KCNQ1: variants seen among roughly 807,000 people sequenced by gnomAD.
KCNQ1 encodes potassium voltage-gated channel subfamily Q member 1.
KCNQ1 carries 49 observed loss-of-function variants against 72.4 expected under a neutral mutation model. The ratio of observed to expected loss-of-function variants is 0.68; its 90% CI spans 0.54 to 0.86. KCNQ1 has a LOEUF of 0.86. KCNQ1 is among the 40% of genes least tolerant of loss of function. KCNQ1 has a pLI of 0.00. For missense variants in KCNQ1, 790 were observed against 945.1 expected (o/e 0.84, Z 2.15); for synonymous variants, 450 against 412.6 (o/e 1.09, Z -1.10).
chr11:2,580,658 C>A (rs1484641126), intron 6 of KCNQ1, among the ~76,000 whole-genome samples: 2 of 152,212 alleles, frequency 1.3e-5, no homozygotes, highest in African/African-American at 4.8e-5. Context: ...CCCAGCAGAT[C>A]ATCAGCACAC....
At position 2,682,479 on chromosome 11, in the gene KCNQ1, T is replaced by G. The variant is rs1313600985; in HGVS notation, c.1514+20398T>G. 7.9e-6 allele frequency: 3 copies of G among 377,998 alleles called. No individual in the cohort carries two copies. The highest frequency in any genetic ancestry group is 4.6e-5 in the Admixed American group (1 of 21,910). The allele number at this position is 377,998 out of a possible 1,614,324, so 23.4% of individuals were successfully genotyped here. A position where few individuals can be genotyped will look rare whatever the true frequency, so the allele number is the denominator to read the frequency against. ...GGACCCTCAGTGAATGTTTGACGAG[T>G]GAGTGAGTGAGTGAGTGAGTGAGTG... On this transcript the variant is annotated intron_variant, in intron 11 of 15. Coordinates refer to ENST00000155840, the MANE Select transcript of KCNQ1 (RefSeq NM_000218.3). The surrounding 1 kb of genome is among the most constrained non-coding windows in gnomAD (Gnocchi z 5.8).
Position 2,626,511 on chromosome 11 carries a change from T to G in KCNQ1, c.1394-35450T>G, listed in dbSNP as rs2133810572. ...GTCAATACCACATAGTTTTGATTACTGTAGCTTCGTAATAAGTTGGGGTTT... is the reference window on the plus strand; with the variant it reads ...GTCAATACCACATAGTTTTGATTACGGTAGCTTCGTAATAAGTTGGGGTTT... On this transcript the variant is annotated intron_variant, in intron 10 of 15. Coordinates refer to ENST00000155840, the MANE Select transcript of KCNQ1 (RefSeq NM_000218.3). The surrounding 1 kb of genome is among the most constrained non-coding windows in gnomAD (Gnocchi z 4.0). The G allele has an allele frequency of 7.5e-6, 3 of 398,656 alleles. No individual in the cohort carries two copies. In the East Asian group the frequency reaches 1.1e-4, roughly 14 times the overall value. 24.7% of individuals were successfully genotyped at this position (398,656 alleles called of 1,614,324 possible).
At position 2,668,380 on chromosome 11, in the gene KCNQ1, C is replaced by T; in HGVS notation, c.1514+6299C>T. On this transcript the variant is annotated intron_variant, in intron 11 of 15. Coordinates refer to ENST00000155840, the MANE Select transcript of KCNQ1 (RefSeq NM_000218.3). This position sits in a 1 kb window ranked among gnomAD's most constrained non-coding sequence, Gnocchi z 4.3. ...ATGTTTACTCTTAGTGAATACTACCCAGCAGTCTACCAAAGGAGTCATTCC... is the reference window on the plus strand; with the variant it reads ...ATGTTTACTCTTAGTGAATACTACCTAGCAGTCTACCAAAGGAGTCATTCC... The T allele has an allele frequency of 2.5e-6, 1 of 398,584 alleles. No individual in the cohort carries two copies. Among genetic ancestry groups the T allele is most frequent in the African/African-American group, 2.1e-5 (1 of 48,730 alleles). 24.7% of individuals were successfully genotyped at this position (398,584 alleles called of 1,614,324 possible).
At chr11:2,665,258 A>T (rs1277043196) in intron 11 of KCNQ1, 1 of 398,366 alleles carries the variant, frequency 2.5e-6, no homozygotes, top group Non-Finnish European at 4.4e-6. Context: ...GCCAGCCTCA[A>T]ACTCCCTGAG....
In KCNQ1 at chr11:2,544,246, GTGTA is replaced by G. The variant is rs973511096; in HGVS notation, c.477+16230_477+16233del. ...ATCTCATATATATATATGTGTGTGT[GTGTA>G]TATATATATGTGTGTGTGTGTATAT... is the stretch of plus-strand genomic sequence containing the variant. On this transcript the variant is annotated intron_variant, in intron 2 of 15. Transcript: ENST00000155840. This position sits in a 1 kb window ranked among gnomAD's most constrained non-coding sequence, Gnocchi z 4.4. Among the ~76,000 whole-genome samples, 5 of 145,016 alleles carry G rather than the reference GTGTA, an allele frequency of 3.4e-5. No homozygotes were observed. Among genetic ancestry groups the G allele is most frequent in the African/African-American group, 5.4e-5 (2 of 37,116 alleles).
Position 2,516,247 on chromosome 11 carries a change from C to G in KCNQ1, c.387-11681C>G, listed in dbSNP as rs1847287266. 6.6e-6 allele frequency among the ~76,000 whole-genome samples: 1 copy of G among 152,104 alleles called. No homozygotes were observed. ...CAGGTCCCTTAACCTCTCTGAGCTT[C>G]CTCCTCTCCTGTGAACAAAGGATGG... On this transcript the variant is annotated intron_variant, in intron 1 of 15. Transcript: ENST00000155840. This position sits in a 1 kb window ranked among gnomAD's most constrained non-coding sequence, Gnocchi z 7.0.
intron 11 of KCNQ1, among the ~76,000 whole-genome samples, chr11:2,765,869 C>T (rs973980091): frequency 1.3e-5 from 2 of 152,142 alleles, no homozygotes; most frequent in African/African-American, 4.8e-5. Flanking sequence ...TGTTTTTAAT[C>T]ATGACAATCT....
Position 2,808,017 on chromosome 11 carries a change from T to C in KCNQ1, c.1794+29980T>C, listed in dbSNP as rs1319417287. On this transcript the variant is annotated intron_variant, in intron 15 of 15. Coordinates refer to ENST00000155840, the MANE Select transcript of KCNQ1 (RefSeq NM_000218.3). The surrounding 1 kb of genome is among the most constrained non-coding windows in gnomAD (Gnocchi z 6.0). ...GTCTCTCTGGGGGCAGGGCCGGTGG[T>C]ACCTGGAGCCCTCCCCACTGAGCAC... Among the ~76,000 whole-genome samples, 1 of 152,152 alleles carries C rather than the reference T, an allele frequency of 6.6e-6. No individual in the cohort carries two copies. The highest frequency in any genetic ancestry group is 1.5e-5 in the Non-Finnish European group (1 of 68,010).
chr11:2,591,618 T>G (rs1369210630), intron 10 of KCNQ1, among the ~76,000 whole-genome samples: 1 of 152,228 alleles, frequency 6.6e-6, no homozygotes, highest in Non-Finnish European at 1.5e-5. Context: ...CATCGCTTGC[T>G]GCTTGCTGAA....
In KCNQ1 at chr11:2,484,754, G is replaced by A. The variant is rs1299081035; in HGVS notation, c.386+39270G>A. Among the ~76,000 whole-genome samples, 1 of 152,152 alleles carries A rather than the reference G, an allele frequency of 6.6e-6. No individual in the cohort carries two copies. The highest frequency in any genetic ancestry group is 1.5e-5 in the Non-Finnish European group (1 of 68,038). Reference sequence around the variant, plus strand: ...CCTGCTGCTCTGCGCCCACTCGGCCGACGGAGCTGGGGAATATGTGTATGG... The same window carrying A: ...CCTGCTGCTCTGCGCCCACTCGGCCAACGGAGCTGGGGAATATGTGTATGG... On this transcript the variant is annotated intron_variant, in intron 1 of 15. Coordinates refer to ENST00000155840, the MANE Select transcript of KCNQ1 (RefSeq NM_000218.3). The surrounding 1 kb of genome is among the most constrained non-coding windows in gnomAD (Gnocchi z 5.2).
In KCNQ1 at chr11:2,621,613, G is replaced by T. The variant is rs1011610544; in HGVS notation, c.1393+32759G>T. Reference sequence around the variant, plus strand: ...TCTATTCCTGATTTAATCTTAGCAGGTTGGTTTTTTTCTAGGAATTTGTCC... The same window carrying T: ...TCTATTCCTGATTTAATCTTAGCAGTTTGGTTTTTTTCTAGGAATTTGTCC... On this transcript the variant is annotated intron_variant, in intron 10 of 15. Transcript: ENST00000155840. This position sits in a 1 kb window ranked among gnomAD's most constrained non-coding sequence, Gnocchi z 5.7. 6.0e-5 allele frequency: 24 copies of T among 398,238 alleles called. No individual in the cohort carries two copies. The highest frequency in any genetic ancestry group is 1.0e-4 in the Non-Finnish European group (23 of 226,012). The allele number at this position is 398,238 out of a possible 1,614,324, so 24.7% of individuals were successfully genotyped here. A position where few individuals can be genotyped will look rare whatever the true frequency, so the allele number is the denominator to read the frequency against.
At chr11:2,610,047 T>A (rs1848953626) in intron 10 of KCNQ1, 1 of 397,808 alleles carries the variant, frequency 2.5e-6, no homozygotes, top group Non-Finnish European at 4.4e-6. Flanking sequence ...TATCCACAGT[T>A]TTACTTTTGG....
rs1847285207 is a variant in KCNQ1 at position 2,516,130 on chromosome 11, G to C, written c.387-11798G>C. ...GCTTACTTCTGGGTTGTAGTTTTCGGGGTGCTTCGAGGTGCTGTGGGGACC... is the reference window on the plus strand; with the variant it reads ...GCTTACTTCTGGGTTGTAGTTTTCGCGGTGCTTCGAGGTGCTGTGGGGACC... On this transcript the variant is annotated intron_variant, in intron 1 of 15. Coordinates refer to ENST00000155840, the MANE Select transcript of KCNQ1 (RefSeq NM_000218.3). This position sits in a 1 kb window ranked among gnomAD's most constrained non-coding sequence, Gnocchi z 7.0. 6.6e-6 allele frequency among the ~76,000 whole-genome samples: 1 copy of C among 152,068 alleles called. No individual in the cohort carries two copies.
At chr11:2,726,704 T>C (rs1422325321) in intron 11 of KCNQ1, among the ~76,000 whole-genome samples, 2 of 152,182 alleles carry the variant, frequency 1.3e-5, no homozygotes, top group African/African-American at 4.8e-5. Flanking sequence ...TGCATTGGCC[T>C]GAATAGGAGC....
rs377038154 is a variant in KCNQ1, at chr11:2,836,081, G to A, written c.1795-11686G>A. ...TGGGGTGCCCCGTGGCGTGGCGGGG[G>A]TGGGGGTCAGGACCTTTAGCAGAAG... is the stretch of plus-strand genomic sequence containing the variant. On this transcript the variant is annotated intron_variant, in intron 15 of 15. Coordinates refer to ENST00000155840, the MANE Select transcript of KCNQ1 (RefSeq NM_000218.3). Among the ~76,000 whole-genome samples the A allele has an allele frequency of 5.6e-4, 86 of 152,234 alleles. 1 individual carries two copies. In the East Asian group the frequency reaches 0.015, roughly 27 times the overall value.
chr11:2,662,866 T>C (rs1849993612), intron 11 of KCNQ1: 1 of 398,596 alleles, frequency 2.5e-6, no homozygotes, highest in African/African-American at 2.1e-5. Context: ...TCTACCAACA[T>C]TTTTCTAAAG....
chr11:2,763,149 A>G (rs1050400079), intron 11 of KCNQ1, among the ~76,000 whole-genome samples: 2 of 152,272 alleles, frequency 1.3e-5, no homozygotes, highest in Non-Finnish European at 2.9e-5. Context: ...TTAACATCTT[A>G]TAAATATTGA....
Position 2,677,242 on chromosome 11 carries a change from C to T in KCNQ1, c.1514+15161C>T. 1 of 398,448 alleles carries T rather than the reference C, an allele frequency of 2.5e-6. No homozygotes were observed. The highest frequency in any genetic ancestry group is 4.4e-6 in the Non-Finnish European group (1 of 226,032). 24.7% of individuals were successfully genotyped at this position (398,448 alleles called of 1,614,324 possible). A position where few individuals can be genotyped will look rare whatever the true frequency, so the allele number is the denominator to read the frequency against. ...AACCAAAGACAATATAAAGCACACA[C>T]AAAGTAAAGAGGAACTTATAAAGAG... On this transcript the variant is annotated intron_variant, in intron 11 of 15. Transcript: ENST00000155840. This position sits in a 1 kb window ranked among gnomAD's most constrained non-coding sequence, Gnocchi z 4.5.
intron 2 of KCNQ1, among the ~76,000 whole-genome samples, chr11:2,554,012 C>T (rs974531768): frequency 6.6e-6 from 1 of 152,200 alleles, no homozygotes; most frequent in Non-Finnish European, 1.5e-5. Flanking sequence ...CCACCATGCC[C>T]AGCTGTCATG....
Sources: gnomAD v4.1 joint callset for allele counts (sites outside exome capture counted in the v4.1 genomes callset) on GRCh38, gnomAD v4.1.1 for gene constraint, Gnocchi (gnomAD v3.1) non-coding constraint, MANE v1.5 for transcripts, NCBI Gene and HGNC (gene_info 2026-07-23, HGNC 2026-07-21) for gene names.